The following CALN1 variants were observed in gnomAD, a reference collection of about 807,000 sequenced individuals.
CALN1 encodes calneuron 1.
CALN1 carries 17 observed loss-of-function variants against 30.6 expected under a neutral mutation model. The observed-to-expected ratio is 0.56, with a 90% CI of 0.38 to 0.83. The LOEUF is 0.83. Ranked by LOEUF, CALN1 falls within the 40% of genes least tolerant of loss-of-function variation. CALN1 has a pLI of 0.00. For missense variants in CALN1, 291 were observed against 354.9 expected, an observed-to-expected ratio of 0.82 and a Z score of 1.45; for synonymous variants, 156 against 131.4, an observed-to-expected ratio of 1.19 and a Z score of -1.28.
intron 5 of CALN1, among the ~76,000 whole-genome samples, chr7:71,962,081 A>G (rs1338919345): frequency 6.8e-6 from 1 of 147,840 alleles, no homozygotes; most frequent in Non-Finnish European, 1.5e-5. Context: ...CAAGTGCAAG[A>G]TAGGAAAGTT....
chr7:72,271,168 G>C (rs1419614549), intron 3 of CALN1, among the ~76,000 whole-genome samples: 2 of 152,074 alleles, frequency 1.3e-5, no homozygotes, highest in East Asian at 1.9e-4. Flanking sequence ...TAGATATTTG[G>C]AGTTTAAGGG....
chr7:71,970,493 C>T (rs1050490429), intron 5 of CALN1, among the ~76,000 whole-genome samples: 1 of 152,074 alleles, frequency 6.6e-6, no homozygotes, highest in Non-Finnish European at 1.5e-5. Flanking sequence ...ACCAAGAAGA[C>T]ATTCTTATAC....
At chr7:71,988,710 C>T (rs780363326) in intron 5 of CALN1, among the ~76,000 whole-genome samples, 42 of 152,140 alleles carry the variant, frequency 2.8e-4, no homozygotes, top group Non-Finnish European at 4.1e-4. Context: ...CAGGCACAGA[C>T]GCTGACCCGG....
chr7:71,870,381 TA>T (rs35582248), intron 5 of CALN1, among the ~76,000 whole-genome samples: 8,348 of 142,306 alleles, frequency 0.059, 707 homozygotes, highest in African/African-American at 0.19. Flanking sequence ...AAACTCCATC[TA>T]AAAAAAAAAA....
At chr7:72,263,840 T>C (rs1321290357) in intron 3 of CALN1, among the ~76,000 whole-genome samples, 4 of 152,198 alleles carry the variant, frequency 2.6e-5, no homozygotes, top group Non-Finnish European at 4.4e-5. Context: ...GGGATAAGCA[T>C]GATATATTTA....
the CALN1 span, among the ~76,000 whole-genome samples, chr7:72,501,976 T>TAC: frequency 4.2e-3 from 455 of 108,564 alleles, 12 homozygotes; most frequent in Non-Finnish European, 5.6e-3. Flanking sequence ...TAAATATATA[T>TAC]ACACACATAT....
chr7:72,023,850 C>A, intron 4 of CALN1, 81 bp from the exon 5 acceptor site: 2 of 919,308 alleles, frequency 2.2e-6, no homozygotes, highest in African/African-American at 1.6e-5. Flanking sequence ...CACCTCTACG[C>A]TTTTCTTCTT....
chr7:72,087,746 G>A (rs1307520720), intron 4 of CALN1, among the ~76,000 whole-genome samples: 1 of 152,202 alleles, frequency 6.6e-6, no homozygotes, highest in Admixed American at 6.5e-5. Flanking sequence ...GGTATTGGAA[G>A]GCCATAGCCC....
intron 5 of CALN1, among the ~76,000 whole-genome samples, chr7:71,885,966 A>G (rs539059933): frequency 8.0e-4 from 122 of 152,212 alleles, no homozygotes; most frequent in Non-Finnish European, 1.5e-3. Context: ...CTGCCAGTAC[A>G]ATGAGCCGAT....
chr7:72,219,680 TACACATGCAC>T (rs1455108596), intron 3 of CALN1, among the ~76,000 whole-genome samples: 2 of 151,066 alleles, frequency 1.3e-5, no homozygotes, highest in Admixed American at 6.6e-5. Context: ...CACACATGCA[TACACATGCAC>T]ACATGCAATG....
intron 3 of CALN1, among the ~76,000 whole-genome samples, chr7:72,234,276 C>G (rs544968468): frequency 1.3e-5 from 2 of 152,208 alleles, no homozygotes; most frequent in Admixed American, 1.3e-4. Flanking sequence ...AAGAAACTTC[C>G]CCGGGAGCCC....
At chr7:72,420,845 TC>T in intron 1 of CALN1, among the ~76,000 whole-genome samples, 1 of 152,138 alleles carries the variant, frequency 6.6e-6, no homozygotes, top group South Asian at 2.1e-4. Flanking sequence ...GGTCTCGATC[TC>T]CTAGTGATCC....
intron 4 of CALN1, among the ~76,000 whole-genome samples, chr7:72,089,997 T>C (rs1014075602): frequency 6.6e-6 from 1 of 152,208 alleles, no homozygotes; most frequent in African/African-American, 2.4e-5. Flanking sequence ...AGGTTATACT[T>C]ACTTTGCATA....
At chr7:72,347,296 G>A (rs974520472) in intron 2 of CALN1, among the ~76,000 whole-genome samples, 5 of 149,714 alleles carry the variant, frequency 3.3e-5, no homozygotes, top group African/African-American at 1.2e-4. Context: ...TGCCCAGGCT[G>A]GAGTGCAATG....
intron 5 of CALN1, among the ~76,000 whole-genome samples, chr7:71,970,584 CTT>C (rs201279221): frequency 5.7e-4 from 81 of 143,324 alleles, no homozygotes; most frequent in Non-Finnish European, 7.1e-4. Context: ...CAAAATATAC[CTT>C]TTTTTTTTTT....
At chr7:72,393,737 T>C (rs1386683746) in intron 2 of CALN1, among the ~76,000 whole-genome samples, 3 of 138,510 alleles carry the variant, frequency 2.2e-5, no homozygotes, top group Non-Finnish European at 4.5e-5. Flanking sequence ...TTATTGACCA[T>C]AGAGCTTTTT....
chr7:72,327,241 C>T (rs569163437), intron 2 of CALN1, among the ~76,000 whole-genome samples: 1 of 152,230 alleles, frequency 6.6e-6, no homozygotes, highest in Non-Finnish European at 1.5e-5. Context: ...CGCCTGTAAT[C>T]CCAGCACTTT....
chr7:72,276,423 G>A (rs1797337821), intron 3 of CALN1, among the ~76,000 whole-genome samples: 1 of 152,224 alleles, frequency 6.6e-6, no homozygotes, highest in Admixed American at 6.5e-5. Context: ...CCAACGTGAT[G>A]TCATTAAGAA....
intron 3 of CALN1, among the ~76,000 whole-genome samples, chr7:72,195,172 C>T (rs1040585743): frequency 2.0e-5 from 3 of 152,176 alleles, no homozygotes; most frequent in African/African-American, 7.2e-5. Context: ...CTTACAGACA[C>T]TCCACTCACC....
Sources: allele counts gnomAD v4.1 joint callset (sites outside exome capture counted in the v4.1 genomes callset), GRCh38; gene constraint gnomAD v4.1.1; transcripts MANE v1.5; gene names NCBI Gene and HGNC (gene_info 2026-07-23, HGNC 2026-07-21).